Variants in AKAP9 observed in about 807,000 individuals in gnomAD.
AKAP9 encodes A-kinase anchoring protein 9.
In AKAP9, 311 loss-of-function variants were observed where a neutral mutation model predicts 488.5. The observed-to-expected ratio is 0.64, with a 90% confidence interval of 0.58 to 0.70. The LOEUF is 0.70. AKAP9 is among the 30% of genes least tolerant of loss of function. The probability of loss-of-function intolerance (pLI) is 0.00; values close to 1 mark genes in which losing one functional copy is unlikely to be tolerated. For missense variants in AKAP9, 4,215 were observed against 4,374.5 expected (o/e 0.96, Z 1.03); for synonymous variants, 1,462 against 1,483.5 (o/e 0.99, Z 0.33).
chr7:92,016,713 C>G (rs576237260), intron 11 of AKAP9, among the ~76,000 whole-genome samples: 2 of 152,026 alleles, frequency 1.3e-5, no homozygotes, highest in Non-Finnish European at 2.9e-5. Context: ...AGTAACATCA[C>G]CACTTTTTTG....
At chr7:92,020,244 C>T (rs142615696) in intron 12 of AKAP9, among the ~76,000 whole-genome samples, 1 of 152,324 alleles carries the variant, frequency 6.6e-6, no homozygotes, top group Non-Finnish European at 1.5e-5. Context: ...TATTCCTCCT[C>T]ATTTCAGCCA....
chr7:92,032,585 A>G (rs1229789379), intron 16 of AKAP9, among the ~76,000 whole-genome samples: 1 of 152,150 alleles, frequency 6.6e-6, no homozygotes, highest in African/African-American at 2.4e-5. Context: ...GTCTTAATAT[A>G]ACAATCCCAA....
At position 92,097,040 on chromosome 7, in the gene AKAP9, G is replaced by A. The variant is rs1159169766; in HGVS notation, c.10081G>A (p.Glu3361Lys). The change falls in exon 41 of 50, where the codon GAA (glutamate) becomes AAA (lysine). Residue 3361 changes from glutamate to lysine, a missense_variant. By Grantham distance (56) the Glu-to-Lys change is moderately conservative. Around this residue, in one of 5 missense-constraint regions of AKAP9, gnomAD observed 1,476 missense variants for 1,477.4 expected, o/e 1.00. Coordinates refer to ENST00000356239, the MANE Select transcript of AKAP9 (RefSeq NM_005751.5). ...AGAGGAAAAACACAGTCGCATAGTA[G>A]AATTGTTAAATGAGACTGAAAAATA... ...QLEEKHSRIVELLNETEKYKL... is the reference protein window; with the variant it reads ...QLEEKHSRIVKLLNETEKYKL... The A allele has an allele frequency of 2.5e-6, 4 of 1,614,032 alleles. No individual in the cohort carries two copies. The highest frequency in any genetic ancestry group is 1.3e-5 in the African/African-American group (1 of 74,910).
At chr7:91,973,519 G>A (rs1795327077) in intron 1 of AKAP9, among the ~76,000 whole-genome samples, 192 bp from the exon 2 acceptor site, 2 of 152,070 alleles carry the variant, frequency 1.3e-5, no homozygotes, top group South Asian at 4.1e-4. Context: ...CAATATTTCA[G>A]TAGGTTTATT....
In AKAP9 at chr7:92,001,869, A is replaced by C; in HGVS notation, c.1952A>C (p.Asn651Thr). The C allele has an allele frequency of 6.2e-7, 1 of 1,613,290 alleles. No individual in the cohort carries two copies. The highest frequency in any genetic ancestry group is 2.2e-5 in the East Asian group (1 of 44,822). Reference sequence around the variant, plus strand: ...GATTTAGAAATTGAACATCGAATAAATATTGAAAAACTTAAAGATAATTTA... The same window carrying C: ...GATTTAGAAATTGAACATCGAATAACTATTGAAAAACTTAAAGATAATTTA... Reference protein sequence around the residue: ...KEDLEIEHRINIEKLKDNLGI... With the variant: ...KEDLEIEHRITIEKLKDNLGI... The change falls in exon 8 of 50, where the codon AAT (asparagine) becomes ACT (threonine). Residue 651 changes from asparagine (N) to threonine (T), a missense_variant. By Grantham distance (65) the Asn-to-Thr change is moderately conservative. This residue lies in a region of AKAP9 where 2,361 missense variants were observed against 2,430.0 expected (regional missense o/e 0.97). Coordinates refer to ENST00000356239, the MANE Select transcript of AKAP9 (RefSeq NM_005751.5).
chr7:91,977,606 A>G (rs1795871528), intron 2 of AKAP9, among the ~76,000 whole-genome samples: 1 of 152,214 alleles, frequency 6.6e-6, no homozygotes, highest in African/African-American at 2.4e-5. Flanking sequence ...TCTGTTAAGT[A>G]CAATATCTGT....
chr7:92,081,504 T>TTG (rs1444217150), intron 31 of AKAP9, among the ~76,000 whole-genome samples: 1 of 145,496 alleles, frequency 6.9e-6, no homozygotes, highest in African/African-American at 2.5e-5. Context: ...TATATTTTTT[T>TTG]TTTTTTAGTA....
At chr7:91,944,024 AAATGATC>A (rs1259952881) in intron 1 of AKAP9, among the ~76,000 whole-genome samples, 2 of 152,172 alleles carry the variant, frequency 1.3e-5, no homozygotes, top group African/African-American at 4.8e-5. Flanking sequence ...TAAACCTTAT[AAATGATC>A]ACTTTTTAAA....
chr7:92,081,370 C>T (rs1584470323), intron 31 of AKAP9, among the ~76,000 whole-genome samples: 1 of 150,346 alleles, frequency 6.7e-6, no homozygotes, highest in African/African-American at 2.4e-5. Flanking sequence ...GTGGTGTGAT[C>T]TCAGCTCACT....
At position 92,105,715 on chromosome 7, in the gene AKAP9, G is replaced by A. The variant is rs765894189; in HGVS notation, c.11368G>A (p.Gly3790Ser). Reference protein sequence around the residue: ...FLVRRWHRVTGSVSININRDG... With the variant: ...FLVRRWHRVTSSVSININRDG... ...GGTTCGACGGTGGCATCGAGTCACA[G>A]GTTCTGTTTCCATCAATATTAACAG... The change falls in exon 47 of 50, where the codon GGT becomes AGT. Residue 3790 changes from glycine (G) to serine (S), a missense_variant. By Grantham distance (56) the Gly-to-Ser change is moderately conservative. Coordinates refer to ENST00000356239, the MANE Select transcript of AKAP9 (RefSeq NM_005751.5). 3.7e-6 allele frequency: 6 copies of A among 1,614,182 alleles called. No individual in the cohort carries two copies. Among genetic ancestry groups the A allele is most frequent in the Middle Eastern group, 1.7e-4 (1 of 6,056 alleles).
chr7:92,102,911 G>A, intron 46 of AKAP9, 85 bp downstream of exon 46: 2 of 1,197,948 alleles, frequency 1.7e-6, no homozygotes, highest in Admixed American at 1.8e-5. Flanking sequence ...TTCTCTGCTG[G>A]TTATACTCTA....
chr7:91,949,418 T>C (rs1320236156), intron 1 of AKAP9, among the ~76,000 whole-genome samples: 1 of 152,234 alleles, frequency 6.6e-6, no homozygotes, highest in East Asian at 1.9e-4. Context: ...GCAGCTGTTT[T>C]ACAAGTGCAT....
At chr7:91,976,938 T>C (rs933149223) in intron 2 of AKAP9, among the ~76,000 whole-genome samples, 1 of 152,192 alleles carries the variant, frequency 6.6e-6, no homozygotes, top group African/African-American at 2.4e-5. Context: ...CCTTTAGTTA[T>C]TTGACTGTAT....
chr7:92,044,946 TA>T, intron 20 of AKAP9, 61 bp from the exon 21 acceptor site: 2 of 1,339,950 alleles, frequency 1.5e-6, no homozygotes, highest in Non-Finnish European at 2.1e-6. Context: ...TTAGTGGACA[TA>T]AGCAAAGTGT....
At position 92,042,103 on chromosome 7, in the gene AKAP9, G is replaced by A; in HGVS notation, c.4975G>A (p.Glu1659Lys). The A allele has an allele frequency of 6.2e-7, 1 of 1,613,998 alleles. No individual in the cohort carries two copies. Among genetic ancestry groups the A allele is most frequent in the Non-Finnish European group, 8.5e-7 (1 of 1,179,960 alleles). Residue 1659 changes from glutamate (E) to lysine (K), a missense_variant, in exon 19 of 50, where the codon GAG (glutamate) becomes AAG (lysine). Physicochemically the swap from Glu to Lys is moderately conservative, Grantham distance 56. This residue lies in a region of AKAP9 where 2,361 missense variants were observed against 2,430.0 expected (regional missense o/e 0.97). Transcript: ENST00000356239. ...AGAGAGAGAGAGGGTGCTTTTAGAGGAGCTGGAAGCACTAAAGCAGCTGTC... is the reference window on the plus strand; with the variant it reads ...AGAGAGAGAGAGGGTGCTTTTAGAGAAGCTGGAAGCACTAAAGCAGCTGTC... ...VSERERVLLEELEALKQLSLA... is the reference protein window; with the variant it reads ...VSERERVLLEKLEALKQLSLA...
chr7:91,982,368 T>G (rs763470287), intron 3 of AKAP9, among the ~76,000 whole-genome samples: 4 of 150,680 alleles, frequency 2.7e-5, no homozygotes, highest in Non-Finnish European at 4.4e-5. Flanking sequence ...CAGGCCCCCA[T>G]GTGTGATGTT....
At chr7:92,082,839 T>G (rs559782838) in intron 32 of AKAP9, among the ~76,000 whole-genome samples, 177 bp downstream of exon 32, 1 of 152,360 alleles carries the variant, frequency 6.6e-6, no homozygotes, top group East Asian at 1.9e-4. Flanking sequence ...ATCTTCTTGC[T>G]TGGTTTTCCT....
intron 2 of AKAP9, among the ~76,000 whole-genome samples, chr7:91,979,745 A>T (rs1796150474): frequency 6.6e-6 from 1 of 152,196 alleles, no homozygotes; most frequent in Non-Finnish European, 1.5e-5. Flanking sequence ...CTACCAAGTA[A>T]CTGTTGGGCA....
intron 48 of AKAP9, among the ~76,000 whole-genome samples, chr7:92,108,188 T>G (rs1432070551): frequency 6.6e-6 from 1 of 152,220 alleles, no homozygotes; most frequent in Non-Finnish European, 1.5e-5. Flanking sequence ...TGACTAAAAT[T>G]GATACTCTGA....
Sources: allele counts gnomAD v4.1 joint callset (sites outside exome capture counted in the v4.1 genomes callset), GRCh38; gene constraint gnomAD v4.1.1; regional missense constraint gnomAD v4.1.1; transcripts MANE v1.5; gene names NCBI Gene and HGNC (gene_info 2026-07-23, HGNC 2026-07-21).